Variants in PCOLCE2 observed in about 807,000 individuals in gnomAD.
The protein encoded by PCOLCE2 is procollagen C-proteinase enhancer 2.
In PCOLCE2, 42 loss-of-function variants were observed where a neutral mutation model predicts 47.0. The ratio of observed to expected loss-of-function variants is 0.89; its 90% CI spans 0.70 to 1.16. The LOEUF is 1.16. Among genes scored for constraint, PCOLCE2 ranks in the 50% most tolerant of loss-of-function variants. The pLI is 0.00. For missense variants in PCOLCE2, 500 were observed against 526.1 expected, an observed-to-expected ratio of 0.95 and a Z score of 0.49; for synonymous variants, 169 against 191.7, an observed-to-expected ratio of 0.88 and a Z score of 0.98.
At chr3:142,843,451 G>A in intron 3 of PCOLCE2, 1 of 334,258 alleles carries the variant, frequency 3.0e-6, no homozygotes, top group Non-Finnish European at 5.8e-6. Context: ...AGTTGATATA[G>A]ACAGCTCTCA....
intron 1 of PCOLCE2, 131 bp from the exon 2 acceptor site, chr3:142,887,908 T>C: frequency 1.7e-6 from 1 of 586,398 alleles, no homozygotes; most frequent in Non-Finnish European, 3.0e-6. Context: ...TTGCACCATA[T>C]AAGGGATCTG....
chr3:142,844,379 C>T (rs1377802927), intron 3 of PCOLCE2, among the ~76,000 whole-genome samples: 3 of 152,160 alleles, frequency 2.0e-5, no homozygotes, highest in Non-Finnish European at 4.4e-5. Flanking sequence ...CAGTTTTGTA[C>T]ACATTTGTTT....
intron 5 of PCOLCE2, among the ~76,000 whole-genome samples, chr3:142,831,295 CT>C (rs1937148607): frequency 6.6e-6 from 1 of 152,154 alleles, no homozygotes; most frequent in South Asian, 2.1e-4. Flanking sequence ...GGACTGATGG[CT>C]TTATAAGACG....
intron 2 of PCOLCE2, among the ~76,000 whole-genome samples, chr3:142,879,920 G>A (rs926281257): frequency 2.8e-5 from 4 of 143,778 alleles, no homozygotes; most frequent in Admixed American, 2.2e-4. Context: ...GCAGTGAGCC[G>A]AGATCATGCC....
chr3:142,859,946 T>C (rs1933146689), intron 2 of PCOLCE2, among the ~76,000 whole-genome samples: 1 of 152,228 alleles, frequency 6.6e-6, no homozygotes, highest in South Asian at 2.1e-4. Context: ...AGAACAGATG[T>C]ATATGTGAGC....
intron 2 of PCOLCE2, among the ~76,000 whole-genome samples, chr3:142,850,903 G>A (rs1210731488): frequency 6.6e-6 from 1 of 152,146 alleles, no homozygotes; most frequent in African/African-American, 2.4e-5. Flanking sequence ...TGTAGAGAGG[G>A]CAAAACTGAT....
chr3:142,880,796 G>A (rs1443151761), intron 2 of PCOLCE2, among the ~76,000 whole-genome samples: 2 of 152,172 alleles, frequency 1.3e-5, no homozygotes, highest in African/African-American at 2.4e-5. Context: ...AAATATCAAG[G>A]CACATGTAAA....
At chr3:142,827,321 C>G (rs574634603) in intron 6 of PCOLCE2, 1 of 1,393,172 alleles carries the variant, frequency 7.2e-7, no homozygotes, top group East Asian at 2.3e-5. Flanking sequence ...GTAGGCTTGG[C>G]AAGCCTTCAA....
chr3:142,866,837 A>G (rs1348019256), intron 2 of PCOLCE2, among the ~76,000 whole-genome samples: 1 of 152,254 alleles, frequency 6.6e-6, no homozygotes, highest in Non-Finnish European at 1.5e-5. Flanking sequence ...CTGAAAAACC[A>G]GACCTGCAAG....
chr3:142,873,962 G>A (rs543986879), intron 2 of PCOLCE2, among the ~76,000 whole-genome samples: 14 of 152,348 alleles, frequency 9.2e-5, no homozygotes, highest in African/African-American at 3.1e-4. Flanking sequence ...ATCTCAAATT[G>A]TAATCCTTAC....
intron 6 of PCOLCE2, among the ~76,000 whole-genome samples, chr3:142,824,746 T>C (rs1186258479): frequency 6.6e-6 from 1 of 152,162 alleles, no homozygotes; most frequent in African/African-American, 2.4e-5. Context: ...TTCAAGCAAT[T>C]CTCCTGCCTC....
chr3:142,858,430 TA>T (rs1933112293), intron 2 of PCOLCE2, among the ~76,000 whole-genome samples: 1 of 152,272 alleles, frequency 6.6e-6, no homozygotes, highest in Non-Finnish European at 1.5e-5. Context: ...CTTTGCTATT[TA>T]TTTGTTTTGC....
chr3:142,888,406 T>C (rs1444711603), intron 1 of PCOLCE2, among the ~76,000 whole-genome samples: 2 of 152,162 alleles, frequency 1.3e-5, no homozygotes, highest in South Asian at 2.1e-4. Context: ...GCTAGGGTTG[T>C]TCCCTAGTTT....
chr3:142,853,863 G>A (rs903447128), intron 2 of PCOLCE2, among the ~76,000 whole-genome samples: 3 of 152,174 alleles, frequency 2.0e-5, no homozygotes, highest in Admixed American at 6.5e-5. Context: ...ACAATTCGAC[G>A]TTTGTGTTTT....
chr3:142,881,057 T>C (rs1933602305), intron 2 of PCOLCE2, among the ~76,000 whole-genome samples: 1 of 152,240 alleles, frequency 6.6e-6, no homozygotes, highest in Non-Finnish European at 1.5e-5. Context: ...AATTCTCTTG[T>C]CTAACTGCTC....
At chr3:142,875,749 T>G (rs1231289655) in intron 2 of PCOLCE2, among the ~76,000 whole-genome samples, 1 of 152,114 alleles carries the variant, frequency 6.6e-6, no homozygotes, top group Non-Finnish European at 1.5e-5. Context: ...TGCAGAGTTC[T>G]GGCACCCAGA....
intron 2 of PCOLCE2, among the ~76,000 whole-genome samples, chr3:142,875,015 A>G (rs1933468834): frequency 6.6e-6 from 1 of 152,198 alleles, no homozygotes; most frequent in Non-Finnish European, 1.5e-5. Flanking sequence ...TTGATAGGGA[A>G]TAATAAAATG....
At chr3:142,829,611 C>G (rs1937122981) in intron 6 of PCOLCE2, 81 bp downstream of exon 6, 1 of 1,037,370 alleles carries the variant, frequency 9.6e-7, no homozygotes, top group African/African-American at 1.6e-5. Context: ...AAGTATCTTC[C>G]TCTTATTTTT....
intron 3 of PCOLCE2, among the ~76,000 whole-genome samples, chr3:142,845,668 C>T (rs1040208531): frequency 6.6e-5 from 10 of 152,154 alleles, no homozygotes; most frequent in African/African-American, 2.4e-4. Context: ...AGTTTTATTC[C>T]AGCGCTTTAA....
Sources: gnomAD v4.1 joint callset for allele counts (sites outside exome capture counted in the v4.1 genomes callset) on GRCh38, gnomAD v4.1.1 for gene constraint, MANE v1.5 for transcripts, NCBI Gene and HGNC (gene_info 2026-07-23, HGNC 2026-07-21) for gene names.